The following RELN variants were observed in gnomAD, a reference collection of about 807,000 sequenced individuals.
RELN encodes reelin.
Under a neutral mutation model 427.6 loss-of-function variants are expected in RELN, and 108 were observed. The ratio of observed to expected loss-of-function variants is 0.25; its 90% CI spans 0.22 to 0.30. The LOEUF (loss-of-function observed/expected upper bound fraction) is 0.30. RELN is among the 10% of genes least tolerant of loss of function. The probability of loss-of-function intolerance (pLI) is 1.00; values close to 1 mark genes in which losing one functional copy is unlikely to be tolerated. For synonymous variants in RELN, 1,524 were observed against 1,513.4 expected, an observed-to-expected ratio of 1.01 and a Z score of -0.16; for missense variants, 3,715 against 4,302.8, an observed-to-expected ratio of 0.86 and a Z score of 3.82.
intron 40 of RELN, among the ~76,000 whole-genome samples, chr7:103,552,193 C>G: frequency 6.6e-6 from 1 of 152,112 alleles, no homozygotes; most frequent in East Asian, 1.9e-4. Context: ...CCACTCCATT[C>G]CTTTTCCCAT....
chr7:103,864,753 A>G (rs1325108122), intron 2 of RELN, among the ~76,000 whole-genome samples: 1 of 152,166 alleles, frequency 6.6e-6, no homozygotes, highest in Non-Finnish European at 1.5e-5. Flanking sequence ...ATAGAAAAAA[A>G]CAACAAAACT....
In RELN at chr7:103,733,469, T is replaced by C. The variant is rs1248368692; in HGVS notation, c.657-5262A>G. ...ATACCCAAAGGACTATAAATCATGC[T>C]GCTATAAAGACACATGCACATGTAT... On this transcript the variant is annotated intron_variant, in intron 6 of 64. Transcript: ENST00000428762. Among the ~76,000 whole-genome samples the C allele has an allele frequency of 3.7e-5, 5 of 135,370 alleles. No individual in the cohort carries two copies. The South Asian group carries it at 1.2e-3, about 33-fold the overall frequency. The allele number at this position is 135,370 out of a possible 152,430, so 88.8% of individuals were successfully genotyped here. A position where few individuals can be genotyped will look rare whatever the true frequency, so the allele number is the denominator to read the frequency against.
At chr7:103,610,665 T>A (rs370146263) in intron 22 of RELN, 30 bp downstream of exon 22, 1 of 1,067,928 alleles carries the variant, frequency 9.4e-7, no homozygotes, top group Admixed American at 1.7e-5. Context: ...AAAGTTAAAG[T>A]GACAGCCATA....
chr7:103,727,345 G>A (rs557808568), intron 7 of RELN, among the ~76,000 whole-genome samples: 2 of 152,212 alleles, frequency 1.3e-5, no homozygotes, highest in East Asian at 3.9e-4. Context: ...TACAAGAAGA[G>A]TATTAGGGAC....
chr7:103,700,773 T>G (rs2115795038), intron 9 of RELN, 137 bp downstream of exon 9: 1 of 697,010 alleles, frequency 1.4e-6, no homozygotes, highest in South Asian at 1.6e-5. Flanking sequence ...AATATGTGCA[T>G]CCATAGAATT....
intron 2 of RELN, among the ~76,000 whole-genome samples, chr7:103,837,321 G>A (rs1793434857): frequency 6.6e-6 from 1 of 152,052 alleles, no homozygotes; most frequent in South Asian, 2.1e-4. Flanking sequence ...AAACTTCTTA[G>A]CATCAGTTAG....
chr7:103,661,845 T>C (rs573899043), intron 11 of RELN, among the ~76,000 whole-genome samples: 70 of 152,292 alleles, frequency 4.6e-4, no homozygotes, highest in Non-Finnish European at 8.5e-4. Flanking sequence ...TAAGTACTTA[T>C]AGTTGAGTTG....
intron 51 of RELN, among the ~76,000 whole-genome samples, chr7:103,506,775 A>T (rs1193921789): frequency 6.6e-6 from 1 of 151,750 alleles, no homozygotes; most frequent in African/African-American, 2.4e-5. Flanking sequence ...CAAACTGGAT[A>T]AAGAGTCAAG....
At chr7:103,580,145 T>G (rs1009369169) in intron 28 of RELN, among the ~76,000 whole-genome samples, 3 of 152,238 alleles carry the variant, frequency 2.0e-5, no homozygotes, top group African/African-American at 7.2e-5. Flanking sequence ...TTGTAACTAT[T>G]ATAAGCATGT....
At position 103,637,966 on chromosome 7, in the gene RELN, T is replaced by C. The variant is rs139517508; in HGVS notation, c.2070-1498A>G. 7.4e-3 allele frequency among the ~76,000 whole-genome samples: 1,123 copies of C among 152,308 alleles called. 8 individuals are homozygous for C. The highest frequency in any genetic ancestry group is 0.011 in the Non-Finnish European group (745 of 68,018). ...GGTGATCGTTTAGAGATGACTCACA[T>C]TGGAGTCACTTTCCATTTAGTCGTT... On this transcript the variant is annotated intron_variant, in intron 17 of 64. Transcript: ENST00000428762.
chr7:103,548,780 C>T lies in RELN; in HGVS notation c.6302+2287G>A, dbSNP rs146313203. 1.2e-4 allele frequency among the ~76,000 whole-genome samples: 19 copies of T among 152,204 alleles called. No homozygotes were observed. In the East Asian group the frequency reaches 3.3e-3, roughly 26 times the overall value. ...TTCCAAATTATATTGTCTTGCCTTA[C>T]GTGGAAACACAGCACAGTGGGCATT... On this transcript the variant is annotated intron_variant, in intron 41 of 64. Coordinates refer to ENST00000428762, the MANE Select transcript of RELN (RefSeq NM_005045.4).
chr7:103,757,056 C>T lies in RELN; in HGVS notation c.545-3842G>A, dbSNP rs533619777. 3.3e-5 allele frequency among the ~76,000 whole-genome samples: 5 copies of T among 152,186 alleles called. No homozygotes were observed. The South Asian group carries it at 6.2e-4, about 19-fold the overall frequency. On this transcript the variant is annotated intron_variant, in intron 4 of 64. Transcript: ENST00000428762. ...TTCCACATTTACTGAGGTAAATGCACCACGGAAAAATTAAAGTAGCCTGAG... is the reference window on the plus strand; with the variant it reads ...TTCCACATTTACTGAGGTAAATGCATCACGGAAAAATTAAAGTAGCCTGAG...
chr7:103,735,473 G>A (rs541768), intron 6 of RELN, among the ~76,000 whole-genome samples: 69,105 of 151,904 alleles, frequency 0.45, 16,290 homozygotes, highest in Non-Finnish European at 0.54. Flanking sequence ...CCACATAGCA[G>A]TGACTCAGAC....
rs202089383 is a variant in RELN at position 103,863,819 on chromosome 7, A to AT, written c.338-30148dup. Among the ~76,000 whole-genome samples the AT allele has an allele frequency of 8.2e-3, 1,214 of 147,784 alleles. 25 individuals are homozygous for AT. Among genetic ancestry groups the AT allele is most frequent in the East Asian group, 0.073 (372 of 5,084 alleles). Reference sequence around the variant, plus strand: ...ACATGAGATAAATCCTTTGCAATCAATTTTTTTTTTTTTAGAAAAAAATCC... The same window carrying AT: ...ACATGAGATAAATCCTTTGCAATCAATTTTTTTTTTTTTTAGAAAAAAATCC... On this transcript the variant is annotated intron_variant, in intron 2 of 64. Transcript: ENST00000428762.
Position 103,603,766 on chromosome 7 carries a change from A to C in RELN, c.3147-276T>G, listed in dbSNP as rs762016648. 5.3e-5 allele frequency among the ~76,000 whole-genome samples: 8 copies of C among 152,164 alleles called. No individual in the cohort carries two copies. The highest frequency in any genetic ancestry group is 1.0e-4 in the Non-Finnish European group (7 of 68,016). On this transcript the variant is annotated intron_variant, in intron 23 of 64. Transcript: ENST00000428762. The surrounding 1 kb of genome is among the most constrained non-coding windows in gnomAD (Gnocchi z 4.3). ...ACGAAGGACAGTGGTGTGTGTGCTT[A>C]TGTGAGTGTGTGTTTGTGGGGGGCT...
intron 58 of RELN, 95 bp downstream of exon 58, chr7:103,491,854 TCTCA>T (rs1255578162): frequency 7.1e-4 from 269 of 377,440 alleles, no homozygotes; most frequent in Non-Finnish European, 8.6e-4. Flanking sequence ...TCTCTCTCTC[TCTCA>T]CACACACACA....
intron 43 of RELN, among the ~76,000 whole-genome samples, chr7:103,541,163 C>T (rs971234946): frequency 1.3e-5 from 2 of 152,100 alleles, no homozygotes; most frequent in African/African-American, 4.8e-5. Context: ...AGAATGGTGG[C>T]AGCCGGCCAG....
intron 7 of RELN, among the ~76,000 whole-genome samples, chr7:103,724,705 C>A (rs968042407): frequency 4.6e-5 from 7 of 151,706 alleles, no homozygotes; most frequent in Non-Finnish European, 1.0e-4. Context: ...ATTTTTTTCA[C>A]CAGGGAAGTT....
chr7:103,630,040 T>C lies in RELN; in HGVS notation c.2602A>G (p.Ser868Gly), dbSNP rs1248313574. The change falls in exon 20 of 65, where the codon AGC becomes GGC. Residue 868 changes from serine to glycine, a missense_variant. This residue lies in a region of RELN where 2,208 missense variants were observed against 2,361.7 expected (regional missense o/e 0.93). Transcript: ENST00000428762. ...AGATTGGTAAAGTCAAGACTAATGCTGTTGAAAAGCACAGATGTCATGATA... is the reference window on the plus strand; with the variant it reads ...AGATTGGTAAAGTCAAGACTAATGCCGTTGAAAAGCACAGATGTCATGATA... ...EIIMTSVLFN[S>G]ISLDFTNLVE... 2 of 1,613,674 alleles carry C rather than the reference T, an allele frequency of 1.2e-6. No individual in the cohort carries two copies. The highest frequency in any genetic ancestry group is 1.7e-6 in the Non-Finnish European group (2 of 1,179,624).
Sources: gnomAD v4.1 joint callset for allele counts (sites outside exome capture counted in the v4.1 genomes callset) on GRCh38, gnomAD v4.1.1 for gene constraint, gnomAD v4.1.1 regional missense constraint, Gnocchi (gnomAD v3.1) non-coding constraint, MANE v1.5 for transcripts, NCBI Gene and HGNC (gene_info 2026-07-23, HGNC 2026-07-21) for gene names.